Variants in POLD1 observed in about 807,000 individuals in gnomAD.
The protein encoded by POLD1 is DNA polymerase delta 1, catalytic subunit.
In POLD1, 79 loss-of-function variants were observed where a neutral mutation model predicts 129.7. That is an observed-to-expected ratio of 0.61 (90% CI 0.51 to 0.73). The LOEUF (loss-of-function observed/expected upper bound fraction) is 0.73, where lower values mean the gene tolerates loss of function less well. Among genes scored for constraint, POLD1 ranks in the 30% least tolerant of loss-of-function variants. The pLI is 0.00. For synonymous variants in POLD1, 714 were observed against 683.3 expected (o/e 1.04, Z -0.70); for missense variants, 1,338 against 1,595.8 (o/e 0.84, Z 2.75).
At chr19:50,394,587 G>A (rs3219339) in intron 1 of POLD1, among the ~76,000 whole-genome samples, 2,441 of 152,032 alleles carry the variant, frequency 0.016, 61 homozygotes, top group African/African-American at 0.053. Context: ...GCCAGGAGGC[G>A]AAGGTTGCAG....
At chr19:50,397,403 CT>C (rs1212103062) in intron 1 of POLD1, among the ~76,000 whole-genome samples, 166 of 133,592 alleles carry the variant, frequency 1.2e-3, no homozygotes, top group Non-Finnish European at 1.2e-3. Context: ...GAGATTCTGT[CT>C]TTTTTTTTTT....
At chr19:50,417,642 C>T (rs968019821) in intron 26 of POLD1, among the ~76,000 whole-genome samples, 200 bp from the exon 27 acceptor site, 2 of 151,430 alleles carry the variant, frequency 1.3e-5, no homozygotes, top group African/African-American at 4.9e-5. Flanking sequence ...CATGGCCCTG[C>T]ACCTCGCCAG....
chr19:50,417,648 G>T (rs3219451), intron 26 of POLD1, among the ~76,000 whole-genome samples, 194 bp from the exon 27 acceptor site: 1 of 148,988 alleles, frequency 6.7e-6, no homozygotes, highest in South Asian at 2.1e-4. Context: ...CCTGCACCTC[G>T]CCAGGCACCC....
At chr19:50,407,572 T>A (rs1237320834) in intron 14 of POLD1, among the ~76,000 whole-genome samples, 157 bp downstream of exon 14, 1 of 151,554 alleles carries the variant, frequency 6.6e-6, no homozygotes, top group East Asian at 2.0e-4. Context: ...TATTTTTATT[T>A]TTTTGAGACA....
intron 3 of POLD1, among the ~76,000 whole-genome samples, chr19:50,400,404 A>G (rs1042643601): frequency 5.4e-5 from 8 of 149,198 alleles, no homozygotes; most frequent in African/African-American, 2.0e-4. Context: ...TATTTTTAGT[A>G]GAGACAGGGT....
rs1555789806 is a variant in POLD1 at position 50,401,911 on chromosome 19, C to G, written c.450C>G (p.Thr150=). 4 of 1,614,094 alleles carry G rather than the reference C, an allele frequency of 2.5e-6. No homozygotes were observed. Among genetic ancestry groups the G allele is most frequent in the Non-Finnish European group, 3.4e-6 (4 of 1,179,978 alleles). The change falls in exon 4 of 27, where the codon ACC becomes ACG. Residue 150 remains threonine (T), a synonymous_variant. Transcript: ENST00000440232. Reference sequence around the variant, plus strand: ...ACGGCTTCGCTCCCTACTTCTACACCCCAGCGCCCCCTGGTGAGTGGCCCC... The same window carrying G: ...ACGGCTTCGCTCCCTACTTCTACACGCCAGCGCCCCCTGGTGAGTGGCCCC... ...HIHGFAPYFY[T]PAPPGFGPEH...
chr19:50,400,286 T>C (rs534999468), intron 3 of POLD1, among the ~76,000 whole-genome samples: 60 of 139,108 alleles, frequency 4.3e-4, no homozygotes, highest in Non-Finnish European at 7.3e-4. Flanking sequence ...AGTGGCACAC[T>C]CTTGGCTCAC....
intron 1 of POLD1, among the ~76,000 whole-genome samples, chr19:50,398,570 CAAAAA>C (rs35689550): frequency 1.6e-5 from 1 of 64,220 alleles, no homozygotes; most frequent in African/African-American, 6.9e-5. Flanking sequence ...AATTCCATCT[CAAAAA>C]AAAAAAAAAA....
Position 50,398,958 on chromosome 19 carries a change from AG to A in POLD1, c.109del (p.Asp37ThrfsTer4). ...DDAPRPSQFEEDLALMEEMEA... is the reference protein window; with the variant it reads ...DDAPRPSQFEXDLALMEEMEA... ...GCACCTCGGCCATCCCAATTCGAGG[AG>A]GACCTGGCACTGATGGAGGAGATGG... On this transcript the variant is annotated frameshift_variant, in exon 2 of 27. Transcript: ENST00000440232. LOFTEE classifies it high-confidence loss of function. The A allele has an allele frequency of 6.3e-7, 1 of 1,583,716 alleles. No individual in the cohort carries two copies. Among genetic ancestry groups the A allele is most frequent in the Admixed American group, 1.8e-5 (1 of 54,598 alleles).
chr19:50,403,919 A>G (rs1601207697), intron 10 of POLD1, among the ~76,000 whole-genome samples: 1 of 152,170 alleles, frequency 6.6e-6, no homozygotes, highest in Admixed American at 6.5e-5. Flanking sequence ...TTATATCAGC[A>G]TAAGGAAAAG....
At chr19:50,415,667 G>GGCCC in intron 21 of POLD1, 57 bp from the exon 22 acceptor site, 1 of 1,462,190 alleles carries the variant, frequency 6.8e-7, no homozygotes, top group Non-Finnish European at 9.3e-7. Flanking sequence ...CTACACCCTC[G>GGCCC]CCCCCACCCC....
At position 50,401,391 on chromosome 19, in the gene POLD1, A is replaced by ATATATTTTTT. The variant is rs1334231607; in HGVS notation, c.317-386_317-385insATATTTTTTT. 2.1e-4 allele frequency among the ~76,000 whole-genome samples: 14 copies of ATATATTTTTT among 65,950 alleles called. 1 individual carries two copies. The highest frequency in any genetic ancestry group is 6.2e-4 in the African/African-American group (9 of 14,544). 43.3% of individuals were successfully genotyped at this position (65,950 alleles called of 152,430 possible). On this transcript the variant is annotated intron_variant, in intron 3 of 26. Coordinates refer to ENST00000440232, the MANE Select transcript of POLD1 (RefSeq NM_002691.4). ...TGTATATATATATATATATATATAT[A>ATATATTTTTT]TTTTTTTTTTTTTTTTTTTTTTTTC...
At position 50,416,705 on chromosome 19, in the gene POLD1, A is replaced by G. The variant is rs2122498157; in HGVS notation, c.3049A>G (p.Thr1017Ala). Residue 1017 changes from threonine to alanine, a missense_variant, in exon 24 of 27, where the codon ACA (threonine) becomes GCA (alanine). By Grantham distance (58) the Thr-to-Ala change is moderately conservative. This residue lies in a region of POLD1 where 286 missense variants were observed against 277.5 expected (regional missense o/e 1.03). Transcript: ENST00000440232. ...KRRNCCIGCR[T>A]VLSHQGAVCE... The stretch of plus-strand genomic sequence containing the variant: ...CCGCAACTGCTGCATTGGCTGCCGC[A>G]CAGTGCTCAGCCACCAGGGTGAGCG... 3 of 1,540,824 alleles carry G rather than the reference A, an allele frequency of 1.9e-6. No homozygotes were observed. The highest frequency in any genetic ancestry group is 2.0e-5 in the Admixed American group (1 of 51,224).
At position 50,407,061 on chromosome 19, in the gene POLD1, C is replaced by T. The variant is rs201804732; in HGVS notation, c.1573C>T (p.Arg525Trp). 1.1e-5 allele frequency: 17 copies of T among 1,613,752 alleles called. No homozygotes were observed. The highest frequency in any genetic ancestry group is 5.3e-5 in the African/African-American group (4 of 75,032). The part of the protein sequence containing the change: ...DAYLPLRLLE[R>W]LMVLVNAVEM... ...CTACCTGCCACTGCGGCTGCTGGAG[C>T]GGCTCATGGTGCTGGTGAACGCCGT... The change falls in exon 13 of 27, where the codon CGG (arginine) becomes TGG (tryptophan). Residue 525 changes from arginine (R) to tryptophan (W), a missense_variant. Transcript: ENST00000440232.
intron 1 of POLD1, among the ~76,000 whole-genome samples, chr19:50,396,179 C>T (rs1005028526): frequency 8.1e-4 from 121 of 149,372 alleles, no homozygotes; most frequent in African/African-American, 2.8e-3. Flanking sequence ...CTCCACCTCT[C>T]GGGTTCAAGT....
chr19:50,417,941 C>T lies in POLD1; in HGVS notation c.3318C>T (p.Ala1106=), dbSNP rs1555793948. Reference sequence around the variant, plus strand: ...GCTTCGGACCCCCTGGACCTGAGGCCTGGTGACCTTGCAAGCATCCCATGG... The same window carrying T: ...GCTTCGGACCCCCTGGACCTGAGGCTTGGTGACCTTGCAAGCATCCCATGG... ...LRRFGPPGPE[A]W is the part of the protein sequence containing the mutation. Residue 1106 remains alanine, a synonymous_variant, in exon 27 of 27, where the codon GCC becomes GCT. Transcript: ENST00000440232. 6.3e-7 allele frequency: 1 copy of T among 1,599,282 alleles called. No individual in the cohort carries two copies. The highest frequency in any genetic ancestry group is 8.6e-7 in the Non-Finnish European group (1 of 1,169,166).
Position 50,413,724 on chromosome 19 carries a change from C to T in POLD1, c.2251-18C>T, listed in dbSNP as rs2122444822. The T allele has an allele frequency of 2.5e-6, 4 of 1,585,944 alleles. No homozygotes were observed. Among genetic ancestry groups the T allele is most frequent in the African/African-American group, 1.3e-5 (1 of 74,610 alleles). ...AGGGACCCTGCTTCTCACATACACACATCCCCACCGCCCGCAGGTGGTGTA... is the reference window on the plus strand; with the variant it reads ...AGGGACCCTGCTTCTCACATACACATATCCCCACCGCCCGCAGGTGGTGTA... On this transcript the variant is annotated intron_variant, in intron 18 of 26. Coordinates refer to ENST00000440232, the MANE Select transcript of POLD1 (RefSeq NM_002691.4).
At position 50,401,367 on chromosome 19, in the gene POLD1, GTA is replaced by G. The variant is rs1194001538; in HGVS notation, c.317-387_317-386del. Among the ~76,000 whole-genome samples, 340 of 55,936 alleles carry G rather than the reference GTA, an allele frequency of 6.1e-3. 10 individuals are homozygous for G. Among genetic ancestry groups the G allele is most frequent in the East Asian group, 0.026 (60 of 2,298 alleles). The allele number at this position is 55,936 out of a possible 152,430, so 36.7% of individuals were successfully genotyped here. A position where few individuals can be genotyped will look rare whatever the true frequency, so the allele number is the denominator to read the frequency against. On this transcript the variant is annotated intron_variant, in intron 3 of 26. Transcript: ENST00000440232. ...TATGTGTGTGTATTTGTGTATATGT[GTA>G]TATATATATATATATATATATATTT...
At chr19:50,413,682 C>T (rs2122443288) in intron 18 of POLD1, 60 bp from the exon 19 acceptor site, 3 of 1,561,236 alleles carry the variant, frequency 1.9e-6, no homozygotes, top group Non-Finnish European at 2.6e-6. Context: ...CACCCCCCGA[C>T]ACCAGTAGTT....
Sources: gnomAD v4.1 joint callset for allele counts (sites outside exome capture counted in the v4.1 genomes callset) on GRCh38, gnomAD v4.1.1 for gene constraint, gnomAD v4.1.1 regional missense constraint, MANE v1.5 for transcripts, NCBI Gene and HGNC (gene_info 2026-07-23, HGNC 2026-07-21) for gene names.